The following GARRE1 variants were observed in gnomAD, a reference collection of about 807,000 sequenced individuals.
The protein encoded by GARRE1 is granule associated Rac and RHOG effector protein 1.
GARRE1 carries 49 observed loss-of-function variants against 103.2 expected under a neutral mutation model. The ratio of observed to expected loss-of-function variants is 0.47; its 90% CI spans 0.38 to 0.60. The LOEUF (loss-of-function observed/expected upper bound fraction) is 0.60, where lower values mean the gene tolerates loss of function less well. GARRE1 is among the 20% of genes least tolerant of loss of function. GARRE1 has a pLI of 0.00. For synonymous variants in GARRE1, 505 were observed against 532.8 expected (o/e 0.95, Z 0.72); for missense variants, 1,199 against 1,370.5 (o/e 0.87, Z 1.98).
chr19:34,312,523 C>G (rs1045207721), intron 2 of GARRE1, among the ~76,000 whole-genome samples: 3 of 152,186 alleles, frequency 2.0e-5, no homozygotes, highest in African/African-American at 7.2e-5. Flanking sequence ...CTAGGAACCT[C>G]GTATAAATGG....
intron 1 of GARRE1, among the ~76,000 whole-genome samples, chr19:34,274,346 A>G (rs1169599087): frequency 2.0e-5 from 3 of 152,156 alleles, no homozygotes; most frequent in Non-Finnish European, 4.4e-5. Flanking sequence ...CGGAGGTTGC[A>G]GTGAGCTTAG....
intron 1 of GARRE1, among the ~76,000 whole-genome samples, chr19:34,295,877 A>C (rs974018122): frequency 1.3e-5 from 2 of 152,064 alleles, no homozygotes; most frequent in Admixed American, 6.6e-5. Context: ...TCATTTTTTC[A>C]TGTGGATATT....
At chr19:34,315,710 C>CAAAAAA (rs35321775) in intron 2 of GARRE1, among the ~76,000 whole-genome samples, 2 of 62,536 alleles carry the variant, frequency 3.2e-5, no homozygotes, top group African/African-American at 6.8e-5. Flanking sequence ...GACTCTGTCT[C>CAAAAAA]AAAAAAAAAA....
At chr19:34,336,750 G>A (rs906926106) in intron 8 of GARRE1, among the ~76,000 whole-genome samples, 2 of 152,182 alleles carry the variant, frequency 1.3e-5, no homozygotes, top group Non-Finnish European at 2.9e-5. Context: ...GATTACAGGC[G>A]TGAGCCACTG....
chr19:34,269,670 C>G (rs1047866077), intron 1 of GARRE1, among the ~76,000 whole-genome samples: 1 of 152,138 alleles, frequency 6.6e-6, no homozygotes, highest in African/African-American at 2.4e-5. Flanking sequence ...CCAAGTGATC[C>G]TCCTGCCTTG....
chr19:34,313,912 T>G (rs571111711), intron 2 of GARRE1, among the ~76,000 whole-genome samples: 34 of 152,306 alleles, frequency 2.2e-4, no homozygotes, highest in African/African-American at 6.7e-4. Flanking sequence ...GCAATTCTCC[T>G]GCCTCAGCCT....
At position 34,322,900 on chromosome 19, in the gene GARRE1, T is replaced by G. The variant is rs534647116; in HGVS notation, c.705+2784T>G. On this transcript the variant is annotated intron_variant, in intron 3 of 13. Coordinates refer to ENST00000299505, the MANE Select transcript of GARRE1 (RefSeq NM_014686.5). ...ACCCACCTGGGCCAAAAGATAATTT[T>G]TTTAAACTATCCCAGCAGGCAAACA... Among the ~76,000 whole-genome samples the G allele has an allele frequency of 2.4e-4, 37 of 152,210 alleles. 1 individual carries two copies. The South Asian group carries it at 7.7e-3, about 32-fold the overall frequency.
chr19:34,330,670 G>A (rs1446469239), intron 7 of GARRE1, among the ~76,000 whole-genome samples: 1 of 151,590 alleles, frequency 6.6e-6, no homozygotes, highest in Non-Finnish European at 1.5e-5. Context: ...TTGGCAGGAG[G>A]ATTGCTTAAG....
chr19:34,284,076 C>T (rs1348972508), intron 1 of GARRE1, among the ~76,000 whole-genome samples: 2 of 150,452 alleles, frequency 1.3e-5, no homozygotes, highest in African/African-American at 2.4e-5. Flanking sequence ...GTGATCCGCC[C>T]GCCTCAGCCT....
chr19:34,342,838 C>CTTTTTTTTTTT (rs879824769), intron 10 of GARRE1, among the ~76,000 whole-genome samples: 1 of 143,950 alleles, frequency 6.9e-6, no homozygotes, highest in Admixed American at 7.0e-5. Context: ...CTTTGCGATG[C>CTTTTTTTTTTT]TTTTTTTTTT....
chr19:34,344,712 G>T (rs905173248), intron 10 of GARRE1, among the ~76,000 whole-genome samples: 1 of 151,782 alleles, frequency 6.6e-6, no homozygotes, highest in Non-Finnish European at 1.5e-5. Context: ...TCACGTTGTT[G>T]CCCAGGCTGG....
intron 2 of GARRE1, among the ~76,000 whole-genome samples, chr19:34,305,178 CT>C (rs996264046): frequency 6.6e-6 from 1 of 152,222 alleles, no homozygotes; most frequent in African/African-American, 2.4e-5. Context: ...GAAACTTCTA[CT>C]TTCCTTTAGC....
intron 1 of GARRE1, among the ~76,000 whole-genome samples, chr19:34,298,199 T>C (rs759866747): frequency 8.5e-5 from 13 of 152,088 alleles, no homozygotes; most frequent in Non-Finnish European, 1.5e-4. Flanking sequence ...GAGGATCACT[T>C]GAGCTCAGGA....
chr19:34,279,014 C>T (rs897594268), intron 1 of GARRE1, among the ~76,000 whole-genome samples: 1 of 152,102 alleles, frequency 6.6e-6, no homozygotes, highest in Non-Finnish European at 1.5e-5. Context: ...TATGGATATA[C>T]CACATTTGTT....
rs372162457 is a variant in GARRE1, at chr19:34,300,669, G to T, written c.196G>T (p.Ala66Ser). ...SLTAAGSCHH[A>S]MPHTTPIADI... ...GACCGCTGCAGGCAGCTGCCACCATGCCATGCCCCACACTACTCCTATCGC... is the reference window on the plus strand; with the variant it reads ...GACCGCTGCAGGCAGCTGCCACCATTCCATGCCCCACACTACTCCTATCGC... Residue 66 changes from alanine to serine, a missense_variant, in exon 2 of 14, where the codon GCC becomes TCC. Transcript: ENST00000299505. 1.2e-6 allele frequency: 2 copies of T among 1,613,812 alleles called. No homozygotes were observed. Among genetic ancestry groups the T allele is most frequent in the Non-Finnish European group, 1.7e-6 (2 of 1,180,018 alleles).
In GARRE1 at chr19:34,301,062, A is replaced by G. The variant is rs566381372; in HGVS notation, c.495+94A>G. The G allele has an allele frequency of 1.1e-5, 14 of 1,317,656 alleles. No homozygotes were observed. In the African/African-American group the frequency reaches 1.9e-4, roughly 18 times the overall value. 81.6% of individuals were successfully genotyped at this position (1,317,656 alleles called of 1,614,324 possible). The stretch of plus-strand genomic sequence containing the variant: ...AAGTTTTTTTCCAAATCACTGTAAT[A>G]GTAGCCTTTGTCCTCTTGCTGTTGG... On this transcript the variant is annotated intron_variant, in intron 2 of 13. Transcript: ENST00000299505.
At chr19:34,278,407 A>G (rs1346369558) in intron 1 of GARRE1, among the ~76,000 whole-genome samples, 2 of 141,522 alleles carry the variant, frequency 1.4e-5, no homozygotes, top group African/African-American at 5.2e-5. Flanking sequence ...TTGTGCCACT[A>G]GTACTCCAGC....
chr19:34,305,091 G>A (rs769292643), intron 2 of GARRE1, among the ~76,000 whole-genome samples: 11 of 152,088 alleles, frequency 7.2e-5, no homozygotes, highest in Non-Finnish European at 1.6e-4. Context: ...CGTGCCCGGC[G>A]GGCTTGTCAT....
intron 1 of GARRE1, among the ~76,000 whole-genome samples, chr19:34,271,385 A>C (rs939542796): frequency 6.6e-6 from 1 of 151,112 alleles, no homozygotes; most frequent in Non-Finnish European, 1.5e-5. Context: ...AGTAGCTGGG[A>C]CTACAGGTGT....
Sources: gnomAD v4.1 joint callset for allele counts (sites outside exome capture counted in the v4.1 genomes callset) on GRCh38, gnomAD v4.1.1 for gene constraint, MANE v1.5 for transcripts, NCBI Gene and HGNC (gene_info 2026-07-23, HGNC 2026-07-21) for gene names.